CRCP: variants seen among roughly 807,000 people sequenced by gnomAD.
CRCP encodes the protein CGRP receptor component.
CRCP carries 18 observed loss-of-function variants against 18.5 expected under a neutral mutation model. That is an observed-to-expected ratio of 0.97 (90% CI 0.67 to 1.44). The LOEUF is 1.44. Among genes scored for constraint, CRCP ranks in the 40% most tolerant of loss-of-function variants. The pLI is 0.00. For missense variants in CRCP, 130 were observed against 176.4 expected (o/e 0.74, Z 1.49); for synonymous variants, 53 against 62.9 (o/e 0.84, Z 0.75).
chr7:66,121,482 T>C (rs1321185728), intron 1 of CRCP, among the ~76,000 whole-genome samples: 2 of 151,556 alleles, frequency 1.3e-5, no homozygotes, highest in Admixed American at 6.6e-5. Flanking sequence ...TTTTTTGAGA[T>C]GGAGTCTCAC....
chr7:66,151,571 C>T (rs967174024), intron 5 of CRCP, among the ~76,000 whole-genome samples: 1 of 150,510 alleles, frequency 6.6e-6, no homozygotes, highest in African/African-American at 2.4e-5. Flanking sequence ...CTGTCCTGCC[C>T]CCCCAAAAAA....
At chr7:66,122,928 A>G (rs960832098) in intron 1 of CRCP, among the ~76,000 whole-genome samples, 2 of 151,464 alleles carry the variant, frequency 1.3e-5, no homozygotes, top group African/African-American at 4.8e-5. Context: ...ACATGTCAAT[A>G]AAATGAGTAC....
intron 1 of CRCP, among the ~76,000 whole-genome samples, chr7:66,122,791 T>C (rs551362058): frequency 6.0e-4 from 92 of 152,242 alleles, no homozygotes; most frequent in Non-Finnish European, 1.1e-3. Context: ...TTTTGAGGCC[T>C]CTTGCCTGAG....
At position 66,136,007 on chromosome 7, in the gene CRCP, A is replaced by G. The variant is rs190522000; in HGVS notation, c.239+1633A>G. 4.1e-4 allele frequency among the ~76,000 whole-genome samples: 63 copies of G among 152,232 alleles called. No individual in the cohort carries two copies. The East Asian group carries it at 8.9e-3, about 21-fold the overall frequency. On this transcript the variant is annotated intron_variant, in intron 4 of 5. Transcript: ENST00000395326. ...ACTCCCAGAATTCAGACCAAATTGG[A>G]TGAAAAGTAGGGTTGACAAGTTAAA...
intron 1 of CRCP, among the ~76,000 whole-genome samples, chr7:66,121,179 GTCC>G (rs966913936): frequency 6.6e-5 from 10 of 151,704 alleles, no homozygotes; most frequent in Admixed American, 6.6e-5. Flanking sequence ...AGTTCAAGCA[GTCC>G]TCCTGCCTGA....
At chr7:66,118,209 C>G (rs1173091777) in intron 1 of CRCP, among the ~76,000 whole-genome samples, 1 of 152,070 alleles carries the variant, frequency 6.6e-6, no homozygotes, top group African/African-American at 2.4e-5. Context: ...TTCCTGACCT[C>G]AGGTGATTTG....
intron 5 of CRCP, among the ~76,000 whole-genome samples, chr7:66,146,808 T>C (rs1788311905): frequency 6.6e-6 from 1 of 152,174 alleles, no homozygotes; most frequent in Non-Finnish European, 1.5e-5. Flanking sequence ...TGCTTTACAC[T>C]GTATTGGAGT....
chr7:66,123,024 G>C (rs116111149), intron 1 of CRCP, among the ~76,000 whole-genome samples: 1 of 148,434 alleles, frequency 6.7e-6, no homozygotes, highest in East Asian at 2.0e-4. Flanking sequence ...GCCCCATCTC[G>C]GCACACTGTA....
chr7:66,140,663 T>G (rs1788110101), intron 4 of CRCP, among the ~76,000 whole-genome samples: 1 of 152,178 alleles, frequency 6.6e-6, no homozygotes, highest in Admixed American at 6.5e-5. Context: ...AGTGCTGGGA[T>G]TACAGGCATG....
intron 1 of CRCP, 127 bp from the exon 2 acceptor site, chr7:66,127,577 A>G: frequency 9.8e-7 from 1 of 1,024,244 alleles, no homozygotes; most frequent in Non-Finnish European, 1.5e-6. Context: ...CTCAGTTTCA[A>G]TTTTAGGTTG....
At chr7:66,122,172 A>G (rs1433740637) in intron 1 of CRCP, among the ~76,000 whole-genome samples, 1 of 152,070 alleles carries the variant, frequency 6.6e-6, no homozygotes, top group Non-Finnish European at 1.5e-5. Context: ...TCAGGAGATC[A>G]AGACCATCCT....
At chr7:66,146,317 G>A (rs1034761294) in intron 5 of CRCP, among the ~76,000 whole-genome samples, 4 of 152,160 alleles carry the variant, frequency 2.6e-5, no homozygotes, top group Non-Finnish European at 4.4e-5. Flanking sequence ...GATGGGATAA[G>A]GGGCCCGGGA....
chr7:66,152,593 C>T lies in CRCP; in HGVS notation c.*236C>T. 1 of 506,886 alleles carries T rather than the reference C, an allele frequency of 2.0e-6. No homozygotes were observed. The highest frequency in any genetic ancestry group is 2.1e-5 in the South Asian group (1 of 47,018). The allele number at this position is 506,886 out of a possible 1,614,324, so 31.4% of individuals were successfully genotyped here. On this transcript the variant is annotated 3_prime_UTR_variant, in exon 6 of 6. Transcript: ENST00000395326. ...AGAGAGCTGAAGGTGGGGACAGTGA[C>T]CGCGGACCCCTCTGTGCTTGAAAGA...
intron 4 of CRCP, among the ~76,000 whole-genome samples, chr7:66,138,815 A>C (rs1292843924): frequency 6.6e-6 from 1 of 151,764 alleles, no homozygotes; most frequent in African/African-American, 2.4e-5. Context: ...AAATTTAAAT[A>C]AATTTCAAAA....
intron 1 of CRCP, 116 bp from the exon 2 acceptor site, chr7:66,127,588 T>C (rs2115908614): frequency 8.8e-7 from 1 of 1,133,470 alleles, no homozygotes; most frequent in Non-Finnish European, 1.3e-6. Flanking sequence ...TTTTAGGTTG[T>C]AGTCCCTAAA....
chr7:66,136,081 C>T (rs551479531), intron 4 of CRCP, among the ~76,000 whole-genome samples: 1 of 152,248 alleles, frequency 6.6e-6, no homozygotes, highest in South Asian at 2.1e-4. Flanking sequence ...TTTGTGTTTG[C>T]TTGAGGCAAA....
intron 2 of CRCP, 102 bp downstream of exon 2, chr7:66,127,842 A>G (rs1787661254): frequency 7.7e-7 from 1 of 1,304,462 alleles, no homozygotes; most frequent in East Asian, 2.3e-5. Context: ...GGCTGGGTGC[A>G]GTGGTTCACG....
intron 4 of CRCP, among the ~76,000 whole-genome samples, chr7:66,138,279 C>T (rs1359166199): frequency 4.6e-5 from 7 of 152,104 alleles, no homozygotes. Flanking sequence ...TGGCTCATGC[C>T]TATTATCTCA....
intron 5 of CRCP, among the ~76,000 whole-genome samples, chr7:66,146,205 T>G (rs976488100): frequency 6.6e-6 from 1 of 152,206 alleles, no homozygotes; most frequent in African/African-American, 2.4e-5. Context: ...TTTCCCTGCA[T>G]AAACCGTTTA....
Sources: allele counts gnomAD v4.1 joint callset (sites outside exome capture counted in the v4.1 genomes callset), GRCh38; gene constraint gnomAD v4.1.1; transcripts MANE v1.5; gene names NCBI Gene and HGNC (gene_info 2026-07-23, HGNC 2026-07-21).